Variants in DCLK2 observed in about 807,000 individuals in gnomAD.
The protein encoded by DCLK2 is doublecortin like kinase 2.
A neutral mutation model predicts 78.4 loss-of-function variants in DCLK2; 31 were observed. That is an observed-to-expected ratio of 0.40 (90% CI 0.30 to 0.53). DCLK2 has a LOEUF of 0.53. Among genes scored for constraint, DCLK2 ranks in the 20% least tolerant of loss-of-function variants. The pLI is 0.61. For missense variants in DCLK2, 872 were observed against 973.7 expected (o/e 0.90, Z 1.39); for synonymous variants, 407 against 374.9 (o/e 1.09, Z -0.99).
chr4:150,117,464 A>G (rs4414936), intron 2 of DCLK2, among the ~76,000 whole-genome samples: 58,056 of 151,986 alleles, frequency 0.38, 11,327 homozygotes, highest in Non-Finnish European at 0.42. Flanking sequence ...TCATGGCTGC[A>G]GCACACTTCC....
chr4:150,153,337 T>C lies in DCLK2; in HGVS notation c.757-39801T>C, dbSNP rs557053951. 1.4e-3 allele frequency among the ~76,000 whole-genome samples: 214 copies of C among 152,266 alleles called. 1 individual carries two copies. The highest frequency in any genetic ancestry group is 2.7e-3 in the Non-Finnish European group (186 of 68,028). ...AGTGCTTGATATGATCTGATAGCCC[T>C]GTCACTGGATTGGAGTAATGCTCCA... On this transcript the variant is annotated intron_variant, in intron 2 of 15. Coordinates refer to ENST00000296550, the MANE Select transcript of DCLK2 (RefSeq NM_001040260.4).
At chr4:150,199,872 G>A (rs192683273) in intron 4 of DCLK2, among the ~76,000 whole-genome samples, 77 of 152,296 alleles carry the variant, frequency 5.1e-4, no homozygotes, top group East Asian at 1.9e-3. Flanking sequence ...TGGGCACGGA[G>A]GTACCACCTG....
At chr4:150,210,005 G>T (rs1442361587) in intron 5 of DCLK2, among the ~76,000 whole-genome samples, 3 of 152,168 alleles carry the variant, frequency 2.0e-5, no homozygotes, top group Non-Finnish European at 4.4e-5. Flanking sequence ...AACCCTGGAG[G>T]CAGAGGTTGC....
intron 3 of DCLK2, among the ~76,000 whole-genome samples, chr4:150,195,630 A>G (rs1264870094): frequency 1.3e-5 from 2 of 148,976 alleles, no homozygotes; most frequent in Non-Finnish European, 3.0e-5. Flanking sequence ...GTTAATATGT[A>G]TAACAATAAC....
intron 2 of DCLK2, among the ~76,000 whole-genome samples, chr4:150,168,612 T>G (rs1047137142): frequency 3.9e-5 from 6 of 152,218 alleles, no homozygotes; most frequent in Non-Finnish European, 8.8e-5. Context: ...TGGTGCTCTG[T>G]GACTTGGATA....
intron 1 of DCLK2, among the ~76,000 whole-genome samples, chr4:150,086,751 CT>C (rs1324215823): frequency 6.6e-6 from 1 of 152,070 alleles, no homozygotes; most frequent in African/African-American, 2.4e-5. Context: ...CGTGATCTGC[CT>C]GCTTCAGCCT....
intron 2 of DCLK2, among the ~76,000 whole-genome samples, chr4:150,160,392 A>C (rs571279199): frequency 6.6e-6 from 1 of 152,250 alleles, no homozygotes; most frequent in South Asian, 2.1e-4. Context: ...GTTATTTTGC[A>C]GCTTTTAGGA....
chr4:150,255,875 T>A, intron 15 of DCLK2, 145 bp from the exon 16 acceptor site: 1 of 1,389,044 alleles, frequency 7.2e-7, no homozygotes, highest in Non-Finnish European at 9.6e-7. Flanking sequence ...ATTACTCTCC[T>A]GTGAGGCTTC....
intron 5 of DCLK2, among the ~76,000 whole-genome samples, chr4:150,217,430 C>T (rs535927014): frequency 3.9e-5 from 6 of 152,204 alleles, no homozygotes; most frequent in Admixed American, 6.5e-5. Flanking sequence ...AACTGAATCA[C>T]TAGCTGAGCG....
At chr4:150,218,365 C>T (rs922698943) in intron 5 of DCLK2, among the ~76,000 whole-genome samples, 1 of 152,130 alleles carries the variant, frequency 6.6e-6, no homozygotes, top group African/African-American at 2.4e-5. Context: ...ATAAACACTT[C>T]GATTAGTTAC....
chr4:150,113,505 G>A (rs1322528055), intron 2 of DCLK2, among the ~76,000 whole-genome samples: 4 of 152,164 alleles, frequency 2.6e-5, no homozygotes, highest in South Asian at 4.1e-4. Flanking sequence ...AGGAATTTGT[G>A]CATTTCCTCT....
In DCLK2 at chr4:150,102,708, A is replaced by G; in HGVS notation, c.652A>G (p.Lys218Glu). The change falls in exon 2 of 16, where the codon AAA becomes GAA. Residue 218 changes from lysine to glutamate, a missense_variant. Lys to Glu is a moderately conservative substitution (Grantham distance 56). Coordinates refer to ENST00000296550, the MANE Select transcript of DCLK2 (RefSeq NM_001040260.4). The part of the protein sequence containing the change: ...PRKAVRILLN[K>E]KTAHSFEQVL... ...AAAAGCCGTGCGGATCCTTCTGAAT[A>G]AAAAGACTGCTCATTCCTTTGAACA... 3.7e-6 allele frequency: 6 copies of G among 1,614,180 alleles called. No individual in the cohort carries two copies. Among genetic ancestry groups the G allele is most frequent in the Non-Finnish European group, 5.1e-6 (6 of 1,180,024 alleles).
At chr4:150,165,043 G>C (rs1735968910) in intron 2 of DCLK2, among the ~76,000 whole-genome samples, 1 of 152,154 alleles carries the variant, frequency 6.6e-6, no homozygotes, top group Admixed American at 6.5e-5. Flanking sequence ...GAATAAATGG[G>C]TTTAACCATC....
At chr4:150,155,581 T>C (rs985956338) in intron 2 of DCLK2, among the ~76,000 whole-genome samples, 4 of 151,862 alleles carry the variant, frequency 2.6e-5, no homozygotes, top group Admixed American at 6.6e-5. Flanking sequence ...CCTCAGGGAG[T>C]CCCCTCTGGA....
intron 2 of DCLK2, among the ~76,000 whole-genome samples, chr4:150,110,644 C>T (rs1227863611): frequency 1.3e-5 from 2 of 152,086 alleles, no homozygotes; most frequent in African/African-American, 4.8e-5. Flanking sequence ...TCCACCCTCC[C>T]CACTTCTGAG....
chr4:150,151,960 G>A (rs922523070), intron 2 of DCLK2, among the ~76,000 whole-genome samples: 10 of 152,066 alleles, frequency 6.6e-5, no homozygotes, highest in Admixed American at 2.0e-4. Context: ...TGTGGCTCTG[G>A]TTAAAATGTA....
chr4:150,153,273 G>A (rs1167757520), intron 2 of DCLK2, among the ~76,000 whole-genome samples: 1 of 152,140 alleles, frequency 6.6e-6, no homozygotes, highest in East Asian at 1.9e-4. Context: ...ATTGTGAGGG[G>A]CCTTCCATGT....
intron 15 of DCLK2, among the ~76,000 whole-genome samples, chr4:150,252,302 C>T (rs139121507): frequency 0.014 from 2,129 of 152,306 alleles, 33 homozygotes; most frequent in Middle Eastern, 0.061. Flanking sequence ...AATTGGCATA[C>T]TCAACGTGTC....
At position 150,131,172 on chromosome 4, in the gene DCLK2, A is replaced by G. The variant is rs142513957; in HGVS notation, c.756+28360A>G. 5.7e-3 allele frequency among the ~76,000 whole-genome samples: 860 copies of G among 152,202 alleles called. 5 individuals carry two copies. Among genetic ancestry groups the G allele is most frequent in the Non-Finnish European group, 9.0e-3 (611 of 68,014 alleles). ...CAAGTAGCTCGGATTACAGGCATGC[A>G]TCACTGTGCCTGGCTTCATTTGATC... On this transcript the variant is annotated intron_variant, in intron 2 of 15. Coordinates refer to ENST00000296550, the MANE Select transcript of DCLK2 (RefSeq NM_001040260.4).
Sources: gnomAD v4.1 joint callset for allele counts (sites outside exome capture counted in the v4.1 genomes callset) on GRCh38, gnomAD v4.1.1 for gene constraint, MANE v1.5 for transcripts, NCBI Gene and HGNC (gene_info 2026-07-23, HGNC 2026-07-21) for gene names.